MDM2: variants seen among roughly 807,000 people sequenced by gnomAD.
MDM2 encodes the protein MDM2 proto-oncogene, also known as E3 ubiquitin-protein ligase Mdm2.
A neutral mutation model predicts 64.3 loss-of-function variants in MDM2; 11 were observed. The observed-to-expected ratio is 0.17, with a 90% CI of 0.11 to 0.28. The LOEUF (loss-of-function observed/expected upper bound fraction) is 0.28, where lower values mean the gene tolerates loss of function less well. MDM2 is among the 10% of genes least tolerant of loss of function. The pLI, the probability that MDM2 is intolerant of heterozygous loss-of-function variation, is 1.00. For missense variants in MDM2, 388 were observed against 577.1 expected, an observed-to-expected ratio of 0.67 and a Z score of 3.36; for synonymous variants, 194 against 192.9, an observed-to-expected ratio of 1.01 and a Z score of -0.05.
chr12:68,817,095 T>G (rs1881450594), intron 4 of MDM2, 150 bp downstream of exon 4: 1 of 788,756 alleles, frequency 1.3e-6, no homozygotes, highest in Non-Finnish European at 1.9e-6. Flanking sequence ...GCATATTATT[T>G]GAGAACCTGA....
chr12:68,810,833 C>T (rs187129490), intron 2 of MDM2, among the ~76,000 whole-genome samples: 17 of 151,412 alleles, frequency 1.1e-4, no homozygotes, highest in Admixed American at 9.2e-4. Context: ...TCTCTAGTTT[C>T]TTGGTGAGGC....
intron 2 of MDM2, among the ~76,000 whole-genome samples, chr12:68,812,376 G>C (rs914566797): frequency 1.3e-5 from 2 of 152,194 alleles, no homozygotes; most frequent in African/African-American, 4.8e-5. Flanking sequence ...ACAGAGGACC[G>C]GGGCATATTA....
intron 7 of MDM2, chr12:68,828,055 TG>T (rs771789870): frequency 9.8e-5 from 15 of 152,336 alleles, no homozygotes; most frequent in Non-Finnish European, 2.2e-4. Context: ...CACTTGAACC[TG>T]GGAGGCAGAG....
intron 5 of MDM2, among the ~76,000 whole-genome samples, chr12:68,821,844 T>A (rs1192342077): frequency 6.6e-6 from 1 of 152,194 alleles, no homozygotes; most frequent in Non-Finnish European, 1.5e-5. Context: ...AAAATTGCTT[T>A]GTTTTACTTG....
intron 8 of MDM2, among the ~76,000 whole-genome samples, chr12:68,831,755 C>G (rs1031050435): frequency 1.3e-5 from 2 of 151,920 alleles, no homozygotes; most frequent in Non-Finnish European, 2.9e-5. Flanking sequence ...GTCCTGCATT[C>G]TCTTAAAAAA....
rs746284240 is a variant in MDM2, at chr12:68,809,243, A to G, written c.50A>G (p.Asp17Gly). 30 of 1,614,086 alleles carry G rather than the reference A, an allele frequency of 1.9e-5. No homozygotes were observed. Among genetic ancestry groups the G allele is most frequent in the Non-Finnish European group, 2.5e-5 (30 of 1,180,022 alleles). Residue 17 changes from aspartate (D) to glycine (G), a missense_variant, in exon 2 of 11, where the codon GAT (aspartate) becomes GGT (glycine). Physicochemically the swap from Asp to Gly is moderately conservative, Grantham distance 94. Transcript: ENST00000258149. ...AATACCAACATGTCTGTACCTACTG[A>G]TGGTGCTGTAACCACCTCACAGATT... is the stretch of plus-strand genomic sequence containing the variant. ...MCNTNMSVPTDGAVTTSQIPA... is the reference protein window; with the variant it reads ...MCNTNMSVPTGGAVTTSQIPA...
intron 5 of MDM2, among the ~76,000 whole-genome samples, chr12:68,822,381 T>TC (rs1425388383): frequency 6.6e-6 from 1 of 151,942 alleles, no homozygotes; most frequent in Non-Finnish European, 1.5e-5. Flanking sequence ...CTTTTTTTTT[T>TC]TGAGCTTTAG....
In MDM2 at chr12:68,844,691, C is replaced by A. The variant is rs752515895; in HGVS notation, c.*4842C>A. ...TGGCTTTAAAGCAGGAGCTTGTGGGCCCCTAAGCCAGACGGGGACTAGCTT... is the reference window on the plus strand; with the variant it reads ...TGGCTTTAAAGCAGGAGCTTGTGGGACCCTAAGCCAGACGGGGACTAGCTT... On this transcript the variant is annotated 3_prime_UTR_variant, in exon 11 of 11. Transcript: ENST00000258149. 20 of 222,566 alleles carry A rather than the reference C, an allele frequency of 9.0e-5. No homozygotes were observed. In the Middle Eastern group the frequency reaches 4.1e-3, roughly 46 times the overall value. 13.8% of individuals were successfully genotyped at this position (222,566 alleles called of 1,614,324 possible).
intron 3 of MDM2, among the ~76,000 whole-genome samples, chr12:68,813,921 A>C (rs1881130675): frequency 6.6e-6 from 1 of 152,280 alleles, no homozygotes; most frequent in African/African-American, 2.4e-5. Context: ...AAATGTATGA[A>C]ATAAAATGTA....
intron 2 of MDM2, among the ~76,000 whole-genome samples, chr12:68,812,195 G>GT (rs1238034103): frequency 9.1e-6 from 1 of 109,750 alleles, no homozygotes; most frequent in African/African-American, 4.5e-5. Context: ...TGTAAGCACA[G>GT]TTAAAAAAAA....
chr12:68,827,733 T>G (rs891997611), intron 7 of MDM2, among the ~76,000 whole-genome samples: 5 of 152,230 alleles, frequency 3.3e-5, no homozygotes, highest in Admixed American at 6.5e-5. Flanking sequence ...GTATTCTCAT[T>G]TATGTCTAAC....
chr12:68,824,383 T>A lies in MDM2; in HGVS notation c.379T>A (p.Ser127Thr). The change falls in exon 6 of 11, where the codon TCT becomes ACT. Residue 127 changes from serine (S) to threonine (T), a missense_variant. Physicochemically the swap from Ser to Thr is moderately conservative, Grantham distance 58. Around this residue, in one of 5 missense-constraint regions of MDM2, gnomAD observed 168 missense variants for 236.6 expected, o/e 0.71. Transcript: ENST00000258149. Reference protein sequence around the residue: ...NQQESSDSGTSVSENRCHLEG... With the variant: ...NQQESSDSGTTVSENRCHLEG... ...CTCAGAATCATCGGACTCAGGTACA[T>A]CTGTGAGTGAGAACAGGTGTCACCT... 6.3e-7 allele frequency: 1 copy of A among 1,576,306 alleles called. No homozygotes were observed. Among genetic ancestry groups the A allele is most frequent in the Non-Finnish European group, 8.7e-7 (1 of 1,155,918 alleles).
chr12:68,833,363 AGGCACCTG>A, intron 8 of MDM2, among the ~76,000 whole-genome samples: 1 of 137,652 alleles, frequency 7.3e-6, no homozygotes, highest in African/African-American at 2.6e-5. Flanking sequence ...ATAAATGGGC[AGGCACCTG>A]TATATATTAT....
At position 68,844,623 on chromosome 12, in the gene MDM2, T is replaced by C. The variant is rs1884107581; in HGVS notation, c.*4774T>C. 1 of 227,808 alleles carries C rather than the reference T, an allele frequency of 4.4e-6. No individual in the cohort carries two copies. The highest frequency in any genetic ancestry group is 2.2e-5 in the African/African-American group (1 of 44,974). 14.1% of individuals were successfully genotyped at this position (227,808 alleles called of 1,614,324 possible). A position where few individuals can be genotyped will look rare whatever the true frequency, so the allele number is the denominator to read the frequency against. On this transcript the variant is annotated 3_prime_UTR_variant, in exon 11 of 11. Transcript: ENST00000258149. ...TCCACCAAGCTGGGAACCTCTTGATTGTGAGGCACAAATGTAAGTACATCA... is the reference window on the plus strand; with the variant it reads ...TCCACCAAGCTGGGAACCTCTTGATCGTGAGGCACAAATGTAAGTACATCA...
At chr12:68,813,818 C>T (rs1416681447) in intron 3 of MDM2, among the ~76,000 whole-genome samples, 190 bp downstream of exon 3, 1 of 152,188 alleles carries the variant, frequency 6.6e-6, no homozygotes, top group Non-Finnish European at 1.5e-5. Context: ...CATTTCTCAG[C>T]TAGGAACTCA....
chr12:68,832,982 C>T (rs1317508731), intron 8 of MDM2, among the ~76,000 whole-genome samples: 2 of 149,386 alleles, frequency 1.3e-5, no homozygotes, highest in Admixed American at 6.8e-5. Flanking sequence ...AAAAATTAGC[C>T]GGGCGTGGTG....
rs1031644569 is a variant in MDM2, at chr12:68,844,067, A to G, written c.*4218A>G. 1.9e-5 allele frequency: 4 copies of G among 205,834 alleles called. No homozygotes were observed. Among genetic ancestry groups the G allele is most frequent in the Non-Finnish European group, 4.0e-5 (4 of 100,818 alleles). 12.8% of individuals were successfully genotyped at this position (205,834 alleles called of 1,614,324 possible). The stretch of plus-strand genomic sequence containing the variant: ...TTGATATATGGAGGCAGTGACAGCT[A>G]TTTTTACAAAATTTAAATCTGCAAA... On this transcript the variant is annotated 3_prime_UTR_variant, in exon 11 of 11. Coordinates refer to ENST00000258149, the MANE Select transcript of MDM2 (RefSeq NM_002392.6).
intron 5 of MDM2, 51 bp from the exon 6 acceptor site, chr12:68,824,312 C>T (rs368377427): frequency 1.5e-5 from 20 of 1,373,422 alleles, no homozygotes; most frequent in South Asian, 1.2e-4. Context: ...AGTAGCGCCC[C>T]GCCGCCCCCC....
chr12:68,842,736 T>TTA lies in MDM2; in HGVS notation c.*2890_*2891dup, dbSNP rs754592784. On this transcript the variant is annotated 3_prime_UTR_variant, in exon 11 of 11. Transcript: ENST00000258149. ...TCTTTGCAGTAAAATATGCCCTTTA[T>TTA]TATAGAAGGGAGGATATAAGGAACC... is the stretch of plus-strand genomic sequence containing the variant. 6 of 195,902 alleles carry TTA rather than the reference T, an allele frequency of 3.1e-5. No individual in the cohort carries two copies. The highest frequency in any genetic ancestry group is 6.4e-5 in the Non-Finnish European group (6 of 93,332). The allele number at this position is 195,902 out of a possible 1,614,324, so 12.1% of individuals were successfully genotyped here.
Sources: allele counts gnomAD v4.1 joint callset (sites outside exome capture counted in the v4.1 genomes callset), GRCh38; gene constraint gnomAD v4.1.1; regional missense constraint gnomAD v4.1.1; transcripts MANE v1.5; gene names NCBI Gene and HGNC (gene_info 2026-07-23, HGNC 2026-07-21).